Variants in PTPRK observed in about 807,000 individuals in gnomAD.
PTPRK encodes protein tyrosine phosphatase receptor type K.
In PTPRK, 75 loss-of-function variants were observed where a neutral mutation model predicts 178.0. That is an observed-to-expected ratio of 0.42 (90% CI 0.35 to 0.51). The LOEUF (loss-of-function observed/expected upper bound fraction) is 0.51, where lower values mean the gene tolerates loss of function less well. PTPRK is among the 20% of genes least tolerant of loss of function. PTPRK has a pLI of 0.02. For synonymous variants in PTPRK, 637 were observed against 620.6 expected, an observed-to-expected ratio of 1.03 and a Z score of -0.39; for missense variants, 1,441 against 1,797.8, an observed-to-expected ratio of 0.80 and a Z score of 3.59.
At chr6:128,065,754 T>A (rs909720445) in intron 12 of PTPRK, among the ~76,000 whole-genome samples, 1 of 152,216 alleles carries the variant, frequency 6.6e-6, no homozygotes, top group Admixed American at 6.5e-5. Context: ...GCACTTCTAT[T>A]ACTTGTGGCC....
At chr6:128,103,269 G>A (rs567769538) in intron 7 of PTPRK, among the ~76,000 whole-genome samples, 2 of 152,104 alleles carry the variant, frequency 1.3e-5, no homozygotes, top group South Asian at 2.1e-4. Context: ...CATACATCCC[G>A]CTGAGAGCCA....
chr6:128,348,649 T>G (rs1832730017), intron 2 of PTPRK, among the ~76,000 whole-genome samples: 1 of 152,040 alleles, frequency 6.6e-6, no homozygotes. Flanking sequence ...CTATTTCCAT[T>G]CTTTGAGAAG....
intron 3 of PTPRK, among the ~76,000 whole-genome samples, chr6:128,243,214 C>T (rs1483446413): frequency 1.3e-5 from 2 of 151,902 alleles, no homozygotes; most frequent in African/African-American, 4.8e-5. Flanking sequence ...GCCTTAAATA[C>T]CATGAGGGTG....
intron 2 of PTPRK, among the ~76,000 whole-genome samples, chr6:128,350,619 C>A (rs1363661268): frequency 6.6e-6 from 1 of 152,082 alleles, no homozygotes; most frequent in Admixed American, 6.6e-5. Flanking sequence ...AATATTTAAG[C>A]CAATGTTTTT....
At chr6:128,420,148 T>A (rs1363187273) in intron 1 of PTPRK, among the ~76,000 whole-genome samples, 1 of 152,212 alleles carries the variant, frequency 6.6e-6, no homozygotes, top group Non-Finnish European at 1.5e-5. Context: ...TGTAGCTACC[T>A]GTTCTTCCCC....
chr6:128,514,878 A>G (rs965105997), intron 1 of PTPRK, among the ~76,000 whole-genome samples: 1 of 152,268 alleles, frequency 6.6e-6, no homozygotes, highest in African/African-American at 2.4e-5. Flanking sequence ...CTTAGTTTTC[A>G]TTATTAAAAT....
chr6:128,292,957 A>C (rs1823648311), intron 3 of PTPRK, among the ~76,000 whole-genome samples: 1 of 152,042 alleles, frequency 6.6e-6, no homozygotes. Context: ...TTGGTGGTCA[A>C]AGAATAGCCA....
At chr6:128,375,645 C>G (rs1240248929) in intron 2 of PTPRK, among the ~76,000 whole-genome samples, 2 of 152,126 alleles carry the variant, frequency 1.3e-5, no homozygotes, top group Admixed American at 1.3e-4. Flanking sequence ...AAATAGTCCC[C>G]CAAAGTCTCA....
chr6:128,446,832 C>T (rs1211682658), intron 1 of PTPRK, among the ~76,000 whole-genome samples: 1 of 152,142 alleles, frequency 6.6e-6, no homozygotes, highest in Admixed American at 6.5e-5. Context: ...ATGCTCAAAA[C>T]AGCTTTTCTA....
At chr6:128,141,802 C>A (rs1795810421) in intron 7 of PTPRK, among the ~76,000 whole-genome samples, 1 of 151,754 alleles carries the variant, frequency 6.6e-6, no homozygotes, top group African/African-American at 2.4e-5. Context: ...CTTTTTGACC[C>A]ACTGGGATGA....
At chr6:127,975,675 A>G (rs1238745564) in intron 27 of PTPRK, among the ~76,000 whole-genome samples, 1 of 152,076 alleles carries the variant, frequency 6.6e-6, no homozygotes, top group East Asian at 1.9e-4. Context: ...AATTGTTTTT[A>G]TTAATATCTT....
intron 13 of PTPRK, among the ~76,000 whole-genome samples, chr6:128,013,514 TTTTCTAGTGTATCCCC>T (rs1401945902): frequency 9.9e-5 from 15 of 151,478 alleles, no homozygotes; most frequent in African/African-American, 3.6e-4. Flanking sequence ...TGCCAGTTCT[TTTTCTAGTGTATCCCC>T]TTTCAGTAAA....
rs1364228737 is a variant in PTPRK at position 128,349,744 on chromosome 6, T to A, written c.224-27434A>T. Among the ~76,000 whole-genome samples the A allele has an allele frequency of 3.3e-5, 5 of 152,248 alleles. No individual in the cohort carries two copies. The East Asian group carries it at 9.6e-4, about 29-fold the overall frequency. On this transcript the variant is annotated intron_variant, in intron 2 of 29. Transcript: ENST00000368226. ...TGTTGAAAGGGTATAGGCGTTATAG[T>A]CTATTTGTTCTGTTTTACTTGGGTA...
intron 7 of PTPRK, among the ~76,000 whole-genome samples, chr6:128,140,232 T>A (rs1000658693): frequency 3.3e-5 from 5 of 152,056 alleles, no homozygotes; most frequent in African/African-American, 1.2e-4. Flanking sequence ...GCATAAGGCA[T>A]TACTTACAGT....
At chr6:128,300,948 C>T (rs551649158) in intron 3 of PTPRK, among the ~76,000 whole-genome samples, 2 of 151,662 alleles carry the variant, frequency 1.3e-5, no homozygotes, top group African/African-American at 4.8e-5. Context: ...ACTGCTCTAT[C>T]TTCTTTCCCA....
chr6:128,435,147 AGGCAGGCAGGCAGGCAGGCAGGCT>A (rs1845427438), intron 1 of PTPRK, among the ~76,000 whole-genome samples: 1 of 147,350 alleles, frequency 6.8e-6, no homozygotes, highest in African/African-American at 2.6e-5. Context: ...GCAGGCAGGC[AGGCAGGCAGGCAGGCAGGCAGGCT>A]GGCTTAGATA....
chr6:128,003,106 T>C (rs2114698749), intron 15 of PTPRK: 1 of 1,293,814 alleles, frequency 7.7e-7, no homozygotes, highest in South Asian at 1.3e-5. Context: ...TCAAGCTGCC[T>C]CCTGCACTGT....
chr6:128,048,299 GC>G (rs1335236779), intron 13 of PTPRK, among the ~76,000 whole-genome samples: 1 of 152,050 alleles, frequency 6.6e-6, no homozygotes, highest in Non-Finnish European at 1.5e-5. Flanking sequence ...TGCTTAACAA[GC>G]CCCCAAGTGA....
Position 128,520,594 on chromosome 6 carries a change from G to A in PTPRK, c.-236C>T, listed in dbSNP as rs966309217. The A allele has an allele frequency of 1.9e-6, 1 of 513,342 alleles. No homozygotes were observed. The highest frequency in any genetic ancestry group is 1.9e-5 in the African/African-American group (1 of 51,582). 31.8% of individuals were successfully genotyped at this position (513,342 alleles called of 1,614,324 possible). On this transcript the variant is annotated 5_prime_UTR_variant, in exon 1 of 30. Transcript: ENST00000368226. ...TCCATGCTCGGCGGAGGCTGCTCCTGTTAGTCAAGAGTTACTTTGCTCGGG... is the reference window on the plus strand; with the variant it reads ...TCCATGCTCGGCGGAGGCTGCTCCTATTAGTCAAGAGTTACTTTGCTCGGG...
Sources: allele counts gnomAD v4.1 joint callset (sites outside exome capture counted in the v4.1 genomes callset), GRCh38; gene constraint gnomAD v4.1.1; transcripts MANE v1.5; gene names NCBI Gene and HGNC (gene_info 2026-07-23, HGNC 2026-07-21).